The following CPT2 variants were observed in gnomAD, a reference collection of about 807,000 sequenced individuals.
CPT2 encodes carnitine palmitoyltransferase 2, also known as carnitine O-palmitoyltransferase 2, mitochondrial.
CPT2 carries 37 observed loss-of-function variants against 48.6 expected under a neutral mutation model. The observed-to-expected ratio is 0.76, with a 90% confidence interval of 0.59 to 1.00. The LOEUF is 1.00. Ranked by LOEUF, CPT2 falls within the 50% of genes least tolerant of loss-of-function variation. The pLI, the probability that CPT2 is intolerant of heterozygous loss-of-function variation, is 0.00. For synonymous variants in CPT2, 319 were observed against 326.9 expected, an observed-to-expected ratio of 0.98 and a Z score of 0.26; for missense variants, 772 against 825.6, an observed-to-expected ratio of 0.94 and a Z score of 0.80.
intron 1 of CPT2, among the ~76,000 whole-genome samples, chr1:53,199,262 T>C (rs995683475): frequency 1.3e-5 from 2 of 152,198 alleles, no homozygotes; most frequent in Non-Finnish European, 2.9e-5. Flanking sequence ...AGTTTCACCA[T>C]GTTGGCCAGG....
intron 3 of CPT2, among the ~76,000 whole-genome samples, chr1:53,206,182 CAAAAAAAAAAAAA>C (rs951448638): frequency 1.7e-5 from 1 of 58,926 alleles, no homozygotes; most frequent in Non-Finnish European, 3.7e-5. Context: ...GACTCCATTT[CAAAAAAAAAAAAA>C]AAAAAAAAGA....
chr1:53,200,588 T>A (rs994064168), intron 1 of CPT2, 131 bp from the exon 2 acceptor site: 2 of 770,572 alleles, frequency 2.6e-6, no homozygotes. Context: ...TGATTCTGAT[T>A]TGTCAGTCGC....
At chr1:53,198,309 C>T (rs1645335876) in intron 1 of CPT2, among the ~76,000 whole-genome samples, 1 of 152,202 alleles carries the variant, frequency 6.6e-6, no homozygotes, top group African/African-American at 2.4e-5. Context: ...AGGCCTCACC[C>T]GAGCTGCTGG....
chr1:53,209,774 C>A, intron 3 of CPT2: 1 of 513,218 alleles, frequency 1.9e-6, no homozygotes, highest in East Asian at 3.6e-5. Flanking sequence ...GAGCCTCCGT[C>A]CCAAAAAAAC....
chr1:53,212,021 T>C (rs1645432106), intron 4 of CPT2, among the ~76,000 whole-genome samples: 2 of 151,484 alleles, frequency 1.3e-5, no homozygotes, highest in Admixed American at 6.6e-5. Context: ...GCCTCCCAAA[T>C]AGCTGGGACT....
At chr1:53,209,807 T>A (rs1645409795) in intron 3 of CPT2, 2 of 600,666 alleles carry the variant, frequency 3.3e-6, no homozygotes, top group South Asian at 4.1e-5. Flanking sequence ...TTATTGTAAG[T>A]GATAGAAGCT....
chr1:53,212,518 G>T (rs1204550011), intron 4 of CPT2, among the ~76,000 whole-genome samples: 1 of 152,150 alleles, frequency 6.6e-6, no homozygotes, highest in African/African-American at 2.4e-5. Flanking sequence ...TTACTGATTG[G>T]TTATCAGACT....
In CPT2 at chr1:53,210,522, C is replaced by G; in HGVS notation, c.848C>G (p.Ala283Gly). ...LKYILSDSSPAPEFPLAYLTS... is the reference protein window; with the variant it reads ...LKYILSDSSPGPEFPLAYLTS... ...TACATTCTCTCAGACAGCAGCCCCG[C>G]CCCCGAGTTTCCCCTGGCATACCTG... The change falls in exon 4 of 5, where the codon GCC (alanine) becomes GGC (glycine). Residue 283 changes from alanine to glycine, a missense_variant. Coordinates refer to ENST00000371486, the MANE Select transcript of CPT2 (RefSeq NM_000098.3). 6.2e-7 allele frequency: 1 copy of G among 1,614,066 alleles called. No homozygotes were observed. The highest frequency in any genetic ancestry group is 8.5e-7 in the Non-Finnish European group (1 of 1,179,984).
At chr1:53,201,349 G>A (rs1645353836) in intron 2 of CPT2, 2 of 168,326 alleles carry the variant, frequency 1.2e-5, no homozygotes, top group South Asian at 1.5e-4. Context: ...CAGAGACAGC[G>A]GTGTGAGGAC....
rs727503888 is a variant in CPT2, at chr1:53,210,627, T to C, written c.953T>C (p.Val318Ala). ...GGCAATGAGGAGAGCCTGAGGAAAG[T>C]GGACTCGGCAGTGTTCTGTCTCTGC... is the stretch of plus-strand genomic sequence containing the variant. ...SSGNEESLRK[V>A]DSAVFCLCLD... Residue 318 changes from valine (V) to alanine (A), a missense_variant, in exon 4 of 5, where the codon GTG becomes GCG. Physicochemically the swap from Val to Ala is moderately conservative, Grantham distance 64 (BLOSUM62 0). Coordinates refer to ENST00000371486, the MANE Select transcript of CPT2 (RefSeq NM_000098.3). 6.2e-7 allele frequency: 1 copy of C among 1,614,080 alleles called. No homozygotes were observed. Among genetic ancestry groups the C allele is most frequent in the Non-Finnish European group, 8.5e-7 (1 of 1,180,020 alleles).
chr1:53,200,763 G>A lies in CPT2; in HGVS notation c.197G>A (p.Ser66Asn), dbSNP rs1306108414. 6.2e-7 allele frequency: 1 copy of A among 1,614,022 alleles called. No individual in the cohort carries two copies. The highest frequency in any genetic ancestry group is 1.3e-5 in the African/African-American group (1 of 74,922). Reference sequence around the variant, plus strand: ...GAAGACACCATTAGGAGATACCTCAGTGCACAGAAGCCTCTCTTGAATGAT... The same window carrying A: ...GAAGACACCATTAGGAGATACCTCAATGCACAGAAGCCTCTCTTGAATGAT... ...KLEDTIRRYL[S>N]AQKPLLNDGQ... Residue 66 changes from serine to asparagine, a missense_variant, in exon 2 of 5, where the codon AGT becomes AAT. Transcript: ENST00000371486.
At chr1:53,202,509 G>T in intron 3 of CPT2, 80 bp downstream of exon 3, 1 of 1,202,950 alleles carries the variant, frequency 8.3e-7, no homozygotes, top group African/African-American at 1.5e-5. Context: ...TCCTGTTTTG[G>T]TCTCAGAGAT....
chr1:53,196,968 G>T lies in CPT2; in HGVS notation c.25G>T (p.Ala9Ser). The change falls in exon 1 of 5, where the codon GCC (alanine) becomes TCC (serine). Residue 9 changes from alanine (A) to serine (S), a missense_variant. Coordinates refer to ENST00000371486, the MANE Select transcript of CPT2 (RefSeq NM_000098.3). ...GATGGTGCCCCGCCTGCTGCTGCGC[G>T]CCTGGCCCCGGGGCCCCGCGGTTGG... The part of the protein sequence containing the change: MVPRLLLR[A>S]WPRGPAVGPG... The T allele has an allele frequency of 1.3e-6, 2 of 1,531,542 alleles. No individual in the cohort carries two copies. Among genetic ancestry groups the T allele is most frequent in the Non-Finnish European group, 8.7e-7 (1 of 1,146,450 alleles). The allele number at this position is 1,531,542 out of a possible 1,614,324, so 94.9% of individuals were successfully genotyped here.
At chr1:53,204,012 T>C (rs1645370896) in intron 3 of CPT2, 1 of 152,180 alleles carries the variant, frequency 6.6e-6, no homozygotes, top group African/African-American at 2.4e-5. Context: ...GACTACTTCT[T>C]CTCTCTGCCT....
intron 1 of CPT2, 132 bp from the exon 2 acceptor site, chr1:53,200,587 T>C: frequency 1.3e-6 from 1 of 768,120 alleles, no homozygotes; most frequent in Non-Finnish European, 2.3e-6. Flanking sequence ...TTGATTCTGA[T>C]TTGTCAGTCG....
At chr1:53,197,762 C>T (rs1278835418) in intron 1 of CPT2, among the ~76,000 whole-genome samples, 2 of 152,244 alleles carry the variant, frequency 1.3e-5, no homozygotes, top group East Asian at 3.9e-4. Context: ...TCCAAGCCCT[C>T]CTCAACAGGT....
At position 53,209,999 on chromosome 1, in the gene CPT2, TC is replaced by T; in HGVS notation, c.341-15del. 1 of 1,603,200 alleles carries T rather than the reference TC, an allele frequency of 6.2e-7. No individual in the cohort carries two copies. Among genetic ancestry groups the T allele is most frequent in the Non-Finnish European group, 8.5e-7 (1 of 1,170,470 alleles). On this transcript the variant is annotated splice_polypyrimidine_tract_variant and intron_variant, in intron 3 of 4. Transcript: ENST00000371486. ...GCATTAACATTTTATGTTATTTTTT[TC>T]TTTTTATTTTTTAGGACCCTGGTTT...
At position 53,213,931 on chromosome 1, in the gene CPT2, CAAA is replaced by C. The variant is rs1645449267; in HGVS notation, c.*340_*342del. 1 of 286,048 alleles carries C rather than the reference CAAA, an allele frequency of 3.5e-6. No homozygotes were observed. The allele number at this position is 286,048 out of a possible 1,614,324, so 17.7% of individuals were successfully genotyped here. A position where few individuals can be genotyped will look rare whatever the true frequency, so the allele number is the denominator to read the frequency against. On this transcript the variant is annotated 3_prime_UTR_variant, in exon 5 of 5. Coordinates refer to ENST00000371486, the MANE Select transcript of CPT2 (RefSeq NM_000098.3). ...ACAGAGCGAGACTGTCTCAAAAAAA[CAAA>C]AAAGAAAAAAAAACTGGGGCCTGTG...
At chr1:53,208,225 C>T (rs1645400066) in intron 3 of CPT2, 1 of 152,180 alleles carries the variant, frequency 6.6e-6, no homozygotes, top group Non-Finnish European at 1.5e-5. Flanking sequence ...AATCAAAGAC[C>T]ATGTCCTATT....
Sources: gnomAD v4.1 joint callset for allele counts (sites outside exome capture counted in the v4.1 genomes callset) on GRCh38, gnomAD v4.1.1 for gene constraint, MANE v1.5 for transcripts, NCBI Gene and HGNC (gene_info 2026-07-23, HGNC 2026-07-21) for gene names.